The following ADCY9 variants were observed in gnomAD, a reference collection of about 807,000 sequenced individuals.
The protein encoded by ADCY9 is adenylate cyclase 9, also known as adenylate cyclase type 9.
A neutral mutation model predicts 101.5 loss-of-function variants in ADCY9; 50 were observed. The observed-to-expected ratio is 0.49, with a 90% CI of 0.39 to 0.62. ADCY9 has a LOEUF of 0.62. Ranked by LOEUF, ADCY9 falls within the 20% of genes least tolerant of loss-of-function variation. The pLI, the probability that ADCY9 is intolerant of heterozygous loss-of-function variation, is 0.00. For missense variants in ADCY9, 1,662 were observed against 1,800.4 expected (o/e 0.92, Z 1.39); for synonymous variants, 905 against 769.3 (o/e 1.18, Z -2.92).
chr16:3,978,090 A>AGT (rs2056108763), intron 8 of ADCY9, among the ~76,000 whole-genome samples: 2 of 152,142 alleles, frequency 1.3e-5, no homozygotes, highest in Non-Finnish European at 2.9e-5. Context: ...AGTCAGTCTT[A>AGT]CTTTTGCTAG....
At chr16:4,063,553 A>G (rs1205323259) in intron 2 of ADCY9, among the ~76,000 whole-genome samples, 1 of 152,096 alleles carries the variant, frequency 6.6e-6, no homozygotes, top group Non-Finnish European at 1.5e-5. Context: ...TACAAAAAAT[A>G]AAAATAAAAA....
chr16:4,061,164 A>C lies in ADCY9; in HGVS notation c.1693+52586T>G, dbSNP rs192880978. Among the ~76,000 whole-genome samples, 20 of 152,230 alleles carry C rather than the reference A, an allele frequency of 1.3e-4. No individual in the cohort carries two copies. The East Asian group carries it at 3.3e-3, about 25-fold the overall frequency. Reference sequence around the variant, plus strand: ...GTGAACTTAAAATTATCCAATCTGAAGAAGAAATAAAAAAGCATAAAGAAA... The same window carrying C: ...GTGAACTTAAAATTATCCAATCTGACGAAGAAATAAAAAAGCATAAAGAAA... On this transcript the variant is annotated intron_variant, in intron 2 of 10. Coordinates refer to ENST00000294016, the MANE Select transcript of ADCY9 (RefSeq NM_001116.4).
intron 2 of ADCY9, among the ~76,000 whole-genome samples, chr16:4,024,163 C>T (rs1307226125): frequency 6.6e-6 from 1 of 151,776 alleles, no homozygotes; most frequent in Non-Finnish European, 1.5e-5. Context: ...GCTGGGATTA[C>T]AGGCACCAAC....
chr16:3,970,540 T>G (rs1460364850), intron 10 of ADCY9, among the ~76,000 whole-genome samples: 1 of 149,520 alleles, frequency 6.7e-6, no homozygotes, highest in Non-Finnish European at 1.5e-5. Flanking sequence ...GTTGACCAGG[T>G]TGGTCTGGAA....
chr16:4,004,703 T>G (rs907698932), intron 3 of ADCY9, among the ~76,000 whole-genome samples: 1 of 152,180 alleles, frequency 6.6e-6, no homozygotes, highest in African/African-American at 2.4e-5. Flanking sequence ...GGAAGACGCA[T>G]AAGAAACAAA....
Position 4,115,220 on chromosome 16 carries a change from T to C in ADCY9, c.223A>G (p.Arg75Gly). 1 of 1,613,176 alleles carries C rather than the reference T, an allele frequency of 6.2e-7. No homozygotes were observed. The highest frequency in any genetic ancestry group is 8.5e-7 in the Non-Finnish European group (1 of 1,179,648). The change falls in exon 2 of 11, where the codon AGG (arginine) becomes GGG (glycine). Residue 75 changes from arginine to glycine, a missense_variant. Physicochemically the swap from Arg to Gly is moderately radical, Grantham distance 125. Transcript: ENST00000294016. The surrounding 1 kb of genome is among the most constrained non-coding windows in gnomAD (Gnocchi z 6.2). ...RRVGGGGRLR[R>G]QKKLPQLFER... is the part of the protein sequence containing the mutation. ...AACAGCTGGGGCAGCTTCTTCTGCC[T>C]GCGCAGCCGGCCTCCGCCGCCCACT...
chr16:4,102,557 C>G (rs972667337), intron 2 of ADCY9, among the ~76,000 whole-genome samples: 4 of 152,198 alleles, frequency 2.6e-5, no homozygotes, highest in African/African-American at 7.2e-5. Flanking sequence ...GCCCGAGTAG[C>G]TGGGACCACA....
intron 6 of ADCY9, among the ~76,000 whole-genome samples, chr16:3,987,912 T>C (rs1250817885): frequency 2.6e-5 from 4 of 152,112 alleles, no homozygotes; most frequent in Non-Finnish European, 5.9e-5. Context: ...CAAACCAGGC[T>C]CTAGGTTCTT....
intron 2 of ADCY9, among the ~76,000 whole-genome samples, chr16:4,081,479 A>T (rs942122765): frequency 1.3e-5 from 2 of 152,258 alleles, no homozygotes; most frequent in African/African-American, 4.8e-5. Flanking sequence ...GTTTCTTAAC[A>T]AGACACATCA....
intron 10 of ADCY9, among the ~76,000 whole-genome samples, chr16:3,969,609 T>TATACAC (rs1321798408): frequency 7.4e-5 from 7 of 94,888 alleles, no homozygotes; most frequent in Admixed American, 3.3e-4. Context: ...TATATATATA[T>TATACAC]GTATTTTTTT....
intron 5 of ADCY9, among the ~76,000 whole-genome samples, chr16:3,991,677 C>T (rs2056244742): frequency 6.8e-6 from 1 of 146,578 alleles, no homozygotes; most frequent in Admixed American, 7.1e-5. Flanking sequence ...AGGAGAATTA[C>T]TTGAACCTGG....
chr16:3,954,516 C>T (rs1450921276), intron 5 of ADCY9, among the ~76,000 whole-genome samples: 3 of 152,136 alleles, frequency 2.0e-5, no homozygotes, highest in Non-Finnish European at 4.4e-5. Flanking sequence ...AAGGGACCTC[C>T]GGGACTTAGT....
chr16:3,983,040 G>T, intron 7 of ADCY9, 192 bp downstream of exon 7: 1 of 615,292 alleles, frequency 1.6e-6, no homozygotes, highest in East Asian at 2.8e-5. Flanking sequence ...TGGTCCCCCC[G>T]CATCTGGGCC....
At chr16:4,107,828 G>C (rs1395588349) in intron 2 of ADCY9, among the ~76,000 whole-genome samples, 1 of 152,134 alleles carries the variant, frequency 6.6e-6, no homozygotes, top group Non-Finnish European at 1.5e-5. Flanking sequence ...GTTTGCAGAG[G>C]CTAACGCATA....
intron 2 of ADCY9, among the ~76,000 whole-genome samples, chr16:4,042,800 A>C (rs1337538921): frequency 6.6e-6 from 1 of 152,176 alleles, no homozygotes; most frequent in African/African-American, 2.4e-5. Context: ...ATGTGACTTT[A>C]CCTATAAAAT....
chr16:4,020,288 G>A (rs147135625), intron 2 of ADCY9, among the ~76,000 whole-genome samples: 21 of 152,202 alleles, frequency 1.4e-4, no homozygotes, highest in African/African-American at 4.6e-4. Context: ...TATGTAGGAA[G>A]CAGTGAAGAT....
At chr16:4,110,786 G>A (rs573208758) in intron 2 of ADCY9, among the ~76,000 whole-genome samples, 1 of 152,282 alleles carries the variant, frequency 6.6e-6, no homozygotes, top group Admixed American at 6.5e-5. Context: ...GTCAGGTCAC[G>A]GCCATGGAAA....
chr16:3,998,999 G>A (rs2056311573), intron 3 of ADCY9, among the ~76,000 whole-genome samples: 1 of 151,776 alleles, frequency 6.6e-6, no homozygotes, highest in Admixed American at 6.6e-5. Context: ...ATTTTAATCT[G>A]GATTAAGACA....
At chr16:4,097,557 T>A (rs1270193071) in intron 2 of ADCY9, among the ~76,000 whole-genome samples, 1,453 of 79,526 alleles carry the variant, frequency 0.018, 98 homozygotes, top group African/African-American at 0.11. Flanking sequence ...ATATATATTT[T>A]TTTTTTTTTT....
Sources: allele counts gnomAD v4.1 joint callset (sites outside exome capture counted in the v4.1 genomes callset), GRCh38; gene constraint gnomAD v4.1.1; non-coding constraint Gnocchi (gnomAD v3.1); transcripts MANE v1.5; gene names NCBI Gene and HGNC (gene_info 2026-07-23, HGNC 2026-07-21).